The following CDH4 variants were observed in gnomAD, a reference collection of about 807,000 sequenced individuals.
CDH4 encodes cadherin-4.
Under a neutral mutation model 86.0 loss-of-function variants are expected in CDH4, and 33 were observed. That is an observed-to-expected ratio of 0.38 (90% CI 0.29 to 0.51). The LOEUF (loss-of-function observed/expected upper bound fraction) is 0.51. CDH4 is among the 20% of genes least tolerant of loss of function. CDH4 has a pLI of 0.86. For synonymous variants in CDH4, 555 were observed against 549.4 expected (o/e 1.01, Z -0.14); for missense variants, 1,114 against 1,307.4 (o/e 0.85, Z 2.28).
At chr20:61,428,409 T>A (rs1330294727) in intron 2 of CDH4, among the ~76,000 whole-genome samples, 1 of 152,214 alleles carries the variant, frequency 6.6e-6, no homozygotes, top group Non-Finnish European at 1.5e-5. Context: ...CAGATGTGTG[T>A]GCACCAGAAG....
At position 61,676,516 on chromosome 20, in the gene CDH4, G is replaced by A. The variant is rs1028551080; in HGVS notation, c.170-67047G>A. Among the ~76,000 whole-genome samples, 4 of 152,116 alleles carry A rather than the reference G, an allele frequency of 2.6e-5. No individual in the cohort carries two copies. Among genetic ancestry groups the A allele is most frequent in the African/African-American group, 9.7e-5 (4 of 41,416 alleles). ...AGGGTGGAGGGGGACAGACAAAAGGGAGGTGAGAAAACTCCTTGTCTGCAG... is the reference window on the plus strand; with the variant it reads ...AGGGTGGAGGGGGACAGACAAAAGGAAGGTGAGAAAACTCCTTGTCTGCAG... On this transcript the variant is annotated intron_variant, in intron 2 of 15. Coordinates refer to ENST00000614565, the MANE Select transcript of CDH4 (RefSeq NM_001794.5). This position sits in a 1 kb window ranked among gnomAD's most constrained non-coding sequence, Gnocchi z 4.5.
intron 4 of CDH4, among the ~76,000 whole-genome samples, chr20:61,809,414 C>T (rs370011721): frequency 3.3e-4 from 51 of 152,284 alleles, no homozygotes; most frequent in South Asian, 2.3e-3. Flanking sequence ...CTGTTATCTG[C>T]GTGGATTACA....
At chr20:61,313,431 T>G (rs2084458735) in intron 2 of CDH4, among the ~76,000 whole-genome samples, 1 of 152,186 alleles carries the variant, frequency 6.6e-6, no homozygotes, top group South Asian at 2.1e-4. Context: ...GCTCTCATTT[T>G]TTAGTTCACC....
intron 2 of CDH4, among the ~76,000 whole-genome samples, chr20:61,490,991 C>T (rs540185178): frequency 2.6e-5 from 4 of 152,290 alleles, no homozygotes; most frequent in Non-Finnish European, 5.9e-5. Context: ...TGGAATTTCT[C>T]GCCCACACTG....
Position 61,630,859 on chromosome 20 carries a change from G to A in CDH4, c.170-112704G>A, listed in dbSNP as rs1025059898. Among the ~76,000 whole-genome samples the A allele has an allele frequency of 3.0e-4, 46 of 152,316 alleles. 1 individual carries two copies. The highest frequency in any genetic ancestry group is 2.7e-3 in the Admixed American group (41 of 15,304). On this transcript the variant is annotated intron_variant, in intron 2 of 15. Coordinates refer to ENST00000614565, the MANE Select transcript of CDH4 (RefSeq NM_001794.5). ...AGAGCCCTTCAGTTGCTGGGGCTGG[G>A]GTAGAGCATGAACGGGGCCCTTGCT...
intron 2 of CDH4, among the ~76,000 whole-genome samples, chr20:61,341,855 C>T (rs565024918): frequency 1.6e-4 from 24 of 152,156 alleles, no homozygotes; most frequent in Non-Finnish European, 2.1e-4. Flanking sequence ...GACTTGGAGA[C>T]GCCCATCCTG....
intron 4 of CDH4, among the ~76,000 whole-genome samples, chr20:61,799,303 G>A (rs1439047691): frequency 1.3e-5 from 2 of 152,218 alleles, no homozygotes; most frequent in African/African-American, 4.8e-5. Flanking sequence ...AAACCCAGCT[G>A]CTACCTCCAG....
intron 4 of CDH4, among the ~76,000 whole-genome samples, chr20:61,777,739 AACAC>A (rs1293933446): frequency 1.4e-5 from 1 of 73,038 alleles, no homozygotes; most frequent in African/African-American, 4.8e-5. Context: ...TGCATACAAA[AACAC>A]ACACCCACAT....
chr20:61,280,011 G>C (rs1410466768), intron 2 of CDH4, among the ~76,000 whole-genome samples: 1 of 152,202 alleles, frequency 6.6e-6, no homozygotes, highest in African/African-American at 2.4e-5. Context: ...TCCATCGGTG[G>C]GGTTGCCTGC....
intron 2 of CDH4, among the ~76,000 whole-genome samples, chr20:61,519,745 G>T (rs771434658): frequency 2.0e-5 from 3 of 152,226 alleles, no homozygotes; most frequent in South Asian, 4.1e-4. Flanking sequence ...GGCGCAGGAC[G>T]CCAGTGTGTC....
At chr20:61,776,071 C>T (rs902850280) in intron 4 of CDH4, among the ~76,000 whole-genome samples, 1 of 152,170 alleles carries the variant, frequency 6.6e-6, no homozygotes, top group Non-Finnish European at 1.5e-5. Context: ...CATGAAAGGA[C>T]CAAATCCTCC....
At chr20:61,570,299 A>G (rs2086332163) in intron 2 of CDH4, 1 of 222,380 alleles carries the variant, frequency 4.5e-6, no homozygotes, top group African/African-American at 2.2e-5. Flanking sequence ...CAGAAAGAAA[A>G]TCTTCAGGTG....
At chr20:61,874,943 T>C (rs62204970) in intron 7 of CDH4, among the ~76,000 whole-genome samples, 44,466 of 151,884 alleles carry the variant, frequency 0.29, 7,836 homozygotes, top group Non-Finnish European at 0.4. Context: ...CCTCAACCCT[T>C]CTGCTCCAAG....
At chr20:61,882,188 C>G (rs1209862901) in intron 7 of CDH4, among the ~76,000 whole-genome samples, 2 of 152,238 alleles carry the variant, frequency 1.3e-5, no homozygotes, top group African/African-American at 4.8e-5. Flanking sequence ...TGCCGAGAAG[C>G]CTGTGTCTGG....
intron 2 of CDH4, among the ~76,000 whole-genome samples, chr20:61,287,878 G>A (rs1450059226): frequency 3.3e-5 from 5 of 152,196 alleles, no homozygotes; most frequent in African/African-American, 2.4e-5. Context: ...GAAGCCGGGA[G>A]GACAAGGCCA....
chr20:61,693,866 C>T, intron 2 of CDH4, among the ~76,000 whole-genome samples: 1 of 147,062 alleles, frequency 6.8e-6, no homozygotes, highest in South Asian at 2.2e-4. Flanking sequence ...GAAAACGCTT[C>T]TCAGACACTC....
At chr20:61,565,243 C>A (rs186168070) in intron 2 of CDH4, among the ~76,000 whole-genome samples, 2 of 35,546 alleles carry the variant, frequency 5.6e-5, no homozygotes, top group African/African-American at 2.6e-4. Context: ...GTGGTGGTGG[C>A]GGTGCTCTTG....
At chr20:61,533,308 G>A (rs1182717792) in intron 2 of CDH4, among the ~76,000 whole-genome samples, 4 of 152,192 alleles carry the variant, frequency 2.6e-5, no homozygotes, top group Admixed American at 1.3e-4. Flanking sequence ...GCAGCACGGG[G>A]AAGGATCGGA....
intron 2 of CDH4, among the ~76,000 whole-genome samples, chr20:61,585,095 G>C (rs1420734965): frequency 1.3e-5 from 2 of 152,242 alleles, no homozygotes; most frequent in Non-Finnish European, 2.9e-5. Flanking sequence ...AACCAGGCTT[G>C]AGAGTGTGAG....
Sources: allele counts gnomAD v4.1 joint callset (sites outside exome capture counted in the v4.1 genomes callset), GRCh38; gene constraint gnomAD v4.1.1; non-coding constraint Gnocchi (gnomAD v3.1); transcripts MANE v1.5; gene names NCBI Gene and HGNC (gene_info 2026-07-23, HGNC 2026-07-21).